NSD3: variants seen among roughly 807,000 people sequenced by gnomAD.
The protein encoded by NSD3 is histone-lysine N-methyltransferase NSD3.
NSD3 carries 24 observed loss-of-function variants against 160.8 expected under a neutral mutation model. That is an observed-to-expected ratio of 0.15 (90% CI 0.11 to 0.21). NSD3 has a LOEUF of 0.21. Ranked by LOEUF, NSD3 falls within the 10% of genes least tolerant of loss-of-function variation. The pLI is 1.00. For missense variants in NSD3, 1,157 were observed against 1,735.9 expected, an observed-to-expected ratio of 0.67 and a Z score of 5.93; for synonymous variants, 520 against 600.0, an observed-to-expected ratio of 0.87 and a Z score of 1.95.
At chr8:38,295,204 A>G (rs1449174626) in intron 16 of NSD3, among the ~76,000 whole-genome samples, 1 of 151,552 alleles carries the variant, frequency 6.6e-6, no homozygotes, top group Non-Finnish European at 1.5e-5. Context: ...CTGTCCATAT[A>G]AGACCTTTTA....
In NSD3 at chr8:38,337,313, T is replaced by C. The variant is rs780566535; in HGVS notation, c.902A>G (p.Asn301Ser). The C allele has an allele frequency of 6.2e-7, 1 of 1,601,220 alleles. No homozygotes were observed. Among genetic ancestry groups the C allele is most frequent in the Non-Finnish European group, 8.5e-7 (1 of 1,176,362 alleles). Reference protein sequence around the residue: ...DPQLEVHTKINTRGAREYHVQ... With the variant: ...DPQLEVHTKISTRGAREYHVQ... Reference sequence around the variant, plus strand: ...TTTATGCCTTTTCTTACCTCTTGTGTTAATTTTAGTATGAACCTCAAGCTG... The same window carrying C: ...TTTATGCCTTTTCTTACCTCTTGTGCTAATTTTAGTATGAACCTCAAGCTG... Residue 301 changes from asparagine (N) to serine (S), a missense_variant, in exon 4 of 24, where the codon AAC becomes AGC. Around this residue, in one of 10 missense-constraint regions of NSD3, gnomAD observed 99 missense variants for 151.8 expected, o/e 0.65. Transcript: ENST00000317025.
At chr8:38,362,365 A>G (rs1266207580) in intron 1 of NSD3, among the ~76,000 whole-genome samples, 2 of 145,608 alleles carry the variant, frequency 1.4e-5, no homozygotes, top group African/African-American at 5.0e-5. Flanking sequence ...TTTTAATGGC[A>G]TGGATTTTGA....
intron 1 of NSD3, among the ~76,000 whole-genome samples, chr8:38,354,121 T>G (rs906429937): frequency 2.2e-4 from 34 of 152,252 alleles, no homozygotes; most frequent in African/African-American, 8.0e-4. Context: ...GATTCTTCCC[T>G]CTTTGTTAAG....
intron 21 of NSD3, 149 bp downstream of exon 21, chr8:38,279,391 T>G: frequency 2.1e-6 from 2 of 965,244 alleles, no homozygotes; most frequent in Middle Eastern, 4.9e-4. Context: ...AATATAACTC[T>G]CCTTTTATTT....
At chr8:38,277,321 A>G (rs1349093238) in intron 22 of NSD3, among the ~76,000 whole-genome samples, 1 of 152,116 alleles carries the variant, frequency 6.6e-6, no homozygotes, top group Non-Finnish European at 1.5e-5. Context: ...TCTGTCGCCC[A>G]TGTTGAAGTG....
At chr8:38,312,735 T>C (rs536988453) in intron 12 of NSD3, among the ~76,000 whole-genome samples, 3 of 152,282 alleles carry the variant, frequency 2.0e-5, no homozygotes, top group Admixed American at 6.5e-5. Context: ...TCTGCCATGA[T>C]TGTAAGTTTC....
At chr8:38,310,664 T>G (rs1431159729) in intron 12 of NSD3, among the ~76,000 whole-genome samples, 1 of 151,628 alleles carries the variant, frequency 6.6e-6, no homozygotes, top group Non-Finnish European at 1.5e-5. Flanking sequence ...CACGCCACCA[T>G]GCCAGGCTAA....
chr8:38,295,833 A>G lies in NSD3; in HGVS notation c.2878T>C (p.Tyr960His). Residue 960 changes from tyrosine (Y) to histidine (H), a missense_variant, in exon 16 of 24, where the codon TAC becomes CAC. By Grantham distance (83) the Tyr-to-His change is moderately conservative. Transcript: ENST00000317025. ...AATTTGACCCAAACAATCTGCTTGT[A>G]ATGTAGTTTCTTGCCAGCTTTACAG... is the stretch of plus-strand genomic sequence containing the variant. ...NDCKAGKKLH[Y>H]KQIVWVKLGN... is the part of the protein sequence containing the mutation. 1 of 1,613,576 alleles carries G rather than the reference A, an allele frequency of 6.2e-7. No homozygotes were observed. Among genetic ancestry groups the G allele is most frequent in the Non-Finnish European group, 8.5e-7 (1 of 1,179,930 alleles).
At chr8:38,312,766 A>C (rs1809564839) in intron 12 of NSD3, among the ~76,000 whole-genome samples, 1 of 152,176 alleles carries the variant, frequency 6.6e-6, no homozygotes, top group Admixed American at 6.5e-5. Flanking sequence ...CTCAGAAGCC[A>C]AGCAGATACT....
At position 38,316,736 on chromosome 8, in the gene NSD3, T is replaced by C; in HGVS notation, c.1856-694A>G. The C allele has an allele frequency of 9.5e-7, 1 of 1,057,556 alleles. No homozygotes were observed. Among genetic ancestry groups the C allele is most frequent in the East Asian group, 5.3e-5 (1 of 19,006 alleles). 65.5% of individuals were successfully genotyped at this position (1,057,556 alleles called of 1,614,324 possible). The stretch of plus-strand genomic sequence containing the variant: ...TGCAGCCAAATCACGTAGAGCTGGA[T>C]GGGAAGGCCTCTATGTGGAATTTGT... On this transcript the variant is annotated intron_variant, in intron 9 of 23. Transcript: ENST00000317025. This position sits in a 1 kb window ranked among gnomAD's most constrained non-coding sequence, Gnocchi z 4.5.
At chr8:38,307,433 A>G (rs1374831271) in intron 12 of NSD3, among the ~76,000 whole-genome samples, 2 of 152,184 alleles carry the variant, frequency 1.3e-5, no homozygotes, top group African/African-American at 4.8e-5. Flanking sequence ...ATAAAAGTAC[A>G]TTCACTTTCT....
In NSD3 at chr8:38,272,755, T is replaced by C. The variant is rs1237225707; in HGVS notation, c.*2886A>G. ...CAGCCACTTACACTCTGACCACATA[T>C]AGATTTAAAAGTTAACAAATACCAA... On this transcript the variant is annotated 3_prime_UTR_variant, in exon 24 of 24. Coordinates refer to ENST00000317025, the MANE Select transcript of NSD3 (RefSeq NM_023034.2). 6.6e-6 allele frequency: 1 copy of C among 152,210 alleles called. No individual in the cohort carries two copies. Among genetic ancestry groups the C allele is most frequent in the Admixed American group, 6.5e-5 (1 of 15,272 alleles). 9.4% of individuals were successfully genotyped at this position (152,210 alleles called of 1,614,324 possible). A position where few individuals can be genotyped will look rare whatever the true frequency, so the allele number is the denominator to read the frequency against.
At chr8:38,379,949 A>G (rs1811494508) in intron 1 of NSD3, among the ~76,000 whole-genome samples, 2 of 152,232 alleles carry the variant, frequency 1.3e-5, no homozygotes, top group Admixed American at 1.3e-4. Flanking sequence ...AATTATTTCA[A>G]ATTGTACAAG....
intron 7 of NSD3, among the ~76,000 whole-genome samples, chr8:38,324,045 C>T (rs1252860856): frequency 1.3e-5 from 2 of 152,140 alleles, no homozygotes; most frequent in East Asian, 3.8e-4. Flanking sequence ...ACAAAACTGA[C>T]ATACCTAATT....
At chr8:38,332,625 G>C (rs1470231332) in intron 4 of NSD3, among the ~76,000 whole-genome samples, 4 of 152,184 alleles carry the variant, frequency 2.6e-5, no homozygotes, top group African/African-American at 9.7e-5. Flanking sequence ...AGTAAGTACA[G>C]AAGTTGAGTA....
At chr8:38,375,446 A>G (rs1811365501) in intron 1 of NSD3, among the ~76,000 whole-genome samples, 1 of 152,220 alleles carries the variant, frequency 6.6e-6, no homozygotes, top group African/African-American at 2.4e-5. Flanking sequence ...ACATTCTCTA[A>G]GTCCACAAAA....
intron 16 of NSD3, among the ~76,000 whole-genome samples, chr8:38,294,084 G>GT (rs1399847399): frequency 1.3e-5 from 2 of 151,844 alleles, no homozygotes; most frequent in African/African-American, 2.4e-5. Context: ...GTTTAATTGT[G>GT]TTTTTTTGTT....
At chr8:38,380,544 G>C (rs528951996) in intron 1 of NSD3, 26 of 152,302 alleles carry the variant, frequency 1.7e-4, no homozygotes, top group African/African-American at 5.5e-4. Flanking sequence ...GATTCCTTCA[G>C]CTAGTAAAAA....
chr8:38,348,154 A>G lies in NSD3; in HGVS notation c.18T>C (p.Ser6=). ...TGTTTCCCATGATCCCTTGCATGAA[A>G]GAGAAAGAGAAATCCATTGTTCTGC... is the stretch of plus-strand genomic sequence containing the variant. MDFSF[S]FMQGIMGNTI... is the part of the protein sequence containing the mutation. The change falls in exon 2 of 24, where the codon TCT becomes TCC. Residue 6 remains serine (S), a synonymous_variant. Coordinates refer to ENST00000317025, the MANE Select transcript of NSD3 (RefSeq NM_023034.2). 1 of 1,591,062 alleles carries G rather than the reference A, an allele frequency of 6.3e-7. No homozygotes were observed. Among genetic ancestry groups the G allele is most frequent in the Non-Finnish European group, 8.6e-7 (1 of 1,168,290 alleles).
Sources: allele counts gnomAD v4.1 joint callset (sites outside exome capture counted in the v4.1 genomes callset), GRCh38; gene constraint gnomAD v4.1.1; regional missense constraint gnomAD v4.1.1; non-coding constraint Gnocchi (gnomAD v3.1); transcripts MANE v1.5; gene names NCBI Gene and HGNC (gene_info 2026-07-23, HGNC 2026-07-21).